The following PPM1H variants were observed in gnomAD, a reference collection of about 807,000 sequenced individuals.
The protein encoded by PPM1H is protein phosphatase 1H.
In PPM1H, 27 loss-of-function variants were observed where a neutral mutation model predicts 54.9. The ratio of observed to expected loss-of-function variants is 0.49; its 90% CI spans 0.36 to 0.68. The LOEUF (loss-of-function observed/expected upper bound fraction) is 0.68, where lower values mean the gene tolerates loss of function less well. Among genes scored for constraint, PPM1H ranks in the 30% least tolerant of loss-of-function variants. PPM1H has a pLI of 0.00. For synonymous variants in PPM1H, 305 were observed against 270.8 expected (o/e 1.13, Z -1.24); for missense variants, 596 against 667.8 (o/e 0.89, Z 1.19).
chr12:62,825,908 T>C (rs186875188), intron 2 of PPM1H, among the ~76,000 whole-genome samples: 5 of 151,380 alleles, frequency 3.3e-5, no homozygotes, highest in Non-Finnish European at 4.4e-5. Context: ...AAATGCCAAA[T>C]TACCACCAAT....
At chr12:62,750,120 G>T (rs117196819) in intron 4 of PPM1H, among the ~76,000 whole-genome samples, 1,742 of 151,202 alleles carry the variant, frequency 0.012, 14 homozygotes, top group Admixed American at 0.025. Flanking sequence ...TTGAATTATA[G>T]TCTGCATACC....
intron 1 of PPM1H, among the ~76,000 whole-genome samples, chr12:62,862,857 C>T (rs141253956): frequency 1.8e-3 from 276 of 152,286 alleles, no homozygotes; most frequent in African/African-American, 6.3e-3. Flanking sequence ...TAACAGACAT[C>T]ATTTCAATCT....
intron 4 of PPM1H, among the ~76,000 whole-genome samples, chr12:62,744,709 G>C (rs535319757): frequency 6.6e-6 from 1 of 152,132 alleles, no homozygotes; most frequent in Non-Finnish European, 1.5e-5. Flanking sequence ...CAGGCCTCAC[G>C]GGGGAAGCTG....
chr12:62,742,572 A>G lies in PPM1H; in HGVS notation c.870-4986T>C, dbSNP rs190329198. Among the ~76,000 whole-genome samples the G allele has an allele frequency of 9.1e-4, 139 of 152,376 alleles. 3 individuals are homozygous for G. In the East Asian group the frequency reaches 0.024, roughly 26 times the overall value. On this transcript the variant is annotated intron_variant, in intron 4 of 9. Coordinates refer to ENST00000228705, the MANE Select transcript of PPM1H (RefSeq NM_020700.2). ...AATGCCTTTAAAGCTACAGTCTGTC[A>G]TCACAGGACCCCTGTACTTCCTAGC...
At chr12:62,903,299 C>T (rs1209426738) in intron 1 of PPM1H, among the ~76,000 whole-genome samples, 9 of 152,042 alleles carry the variant, frequency 5.9e-5, no homozygotes, top group African/African-American at 1.2e-4. Context: ...GGGGTGGAAG[C>T]GTGTCAGTGG....
At chr12:62,798,478 C>T (rs2076748881) in intron 3 of PPM1H, among the ~76,000 whole-genome samples, 2 of 152,088 alleles carry the variant, frequency 1.3e-5, no homozygotes. Context: ...GATTGGGGGC[C>T]CAGTTTTTAT....
chr12:62,738,158 C>T (rs931798349), intron 4 of PPM1H, among the ~76,000 whole-genome samples: 4 of 152,170 alleles, frequency 2.6e-5, no homozygotes, highest in Non-Finnish European at 5.9e-5. Flanking sequence ...CTCTAGATCC[C>T]TGTTACTCCA....
At chr12:62,678,272 A>G (rs2075998930) in intron 8 of PPM1H, among the ~76,000 whole-genome samples, 1 of 152,256 alleles carries the variant, frequency 6.6e-6, no homozygotes, top group South Asian at 2.1e-4. Flanking sequence ...CCAACTTCTA[A>G]ACATTCTTAT....
intron 4 of PPM1H, among the ~76,000 whole-genome samples, chr12:62,745,421 G>C (rs1213567062): frequency 6.6e-6 from 1 of 152,124 alleles, no homozygotes; most frequent in Non-Finnish European, 1.5e-5. Context: ...TGCTCCTTTT[G>C]TAAGTTTGAA....
At chr12:62,756,528 G>A (rs764563362) in intron 4 of PPM1H, among the ~76,000 whole-genome samples, 3 of 151,884 alleles carry the variant, frequency 2.0e-5, no homozygotes, top group Non-Finnish European at 4.4e-5. Flanking sequence ...GTACATGAAC[G>A]TATTTTGTAT....
At chr12:62,764,737 G>A (rs11174636) in intron 4 of PPM1H, among the ~76,000 whole-genome samples, 66,462 of 152,086 alleles carry the variant, frequency 0.44, 14,760 homozygotes, top group African/African-American at 0.53. Context: ...GGGAGGAGCC[G>A]TGATCCATCT....
chr12:62,687,778 G>T (rs1394039914), intron 8 of PPM1H, among the ~76,000 whole-genome samples: 1 of 152,104 alleles, frequency 6.6e-6, no homozygotes, highest in Non-Finnish European at 1.5e-5. Context: ...GGAGGCCGAG[G>T]CAGGTGGATC....
At chr12:62,924,848 C>A (rs1871924210) in intron 1 of PPM1H, among the ~76,000 whole-genome samples, 1 of 152,060 alleles carries the variant, frequency 6.6e-6, no homozygotes, top group African/African-American at 2.4e-5. Flanking sequence ...TCGAGACCAG[C>A]CTAGCCAACA....
intron 8 of PPM1H, among the ~76,000 whole-genome samples, chr12:62,682,312 C>T (rs1441101434): frequency 6.6e-6 from 1 of 152,192 alleles, no homozygotes; most frequent in African/African-American, 2.4e-5. Flanking sequence ...TGTCAGTATG[C>T]ACCAATATTG....
At chr12:62,781,714 G>A (rs895761872) in intron 4 of PPM1H, among the ~76,000 whole-genome samples, 1 of 152,240 alleles carries the variant, frequency 6.6e-6, no homozygotes, top group Non-Finnish European at 1.5e-5. Flanking sequence ...CTGATTCAGA[G>A]CAAGAAGTAC....
intron 5 of PPM1H, among the ~76,000 whole-genome samples, chr12:62,729,966 C>T (rs890742735): frequency 6.6e-5 from 10 of 152,074 alleles, no homozygotes; most frequent in Admixed American, 5.2e-4. Context: ...GTGAAAATGG[C>T]CTGTTCCTGC....
At chr12:62,900,598 TAAA>T (rs111525770) in intron 1 of PPM1H, among the ~76,000 whole-genome samples, 5 of 136,814 alleles carry the variant, frequency 3.7e-5, no homozygotes, top group Non-Finnish European at 3.2e-5. Flanking sequence ...TACCAGTAGT[TAAA>T]AAAAAAAAAA....
At chr12:62,692,525 G>A (rs866018855) in intron 7 of PPM1H, among the ~76,000 whole-genome samples, 1 of 152,142 alleles carries the variant, frequency 6.6e-6, no homozygotes, top group Non-Finnish European at 1.5e-5. Context: ...AGGCTAGACA[G>A]GAACTAGAGA....
chr12:62,853,524 T>C (rs919159231), intron 1 of PPM1H, among the ~76,000 whole-genome samples: 10 of 152,136 alleles, frequency 6.6e-5, no homozygotes, highest in Non-Finnish European at 8.8e-5. Flanking sequence ...TCAATGCACA[T>C]ATACTAACCA....
Sources: gnomAD v4.1 joint callset for allele counts (sites outside exome capture counted in the v4.1 genomes callset) on GRCh38, gnomAD v4.1.1 for gene constraint, MANE v1.5 for transcripts, NCBI Gene and HGNC (gene_info 2026-07-23, HGNC 2026-07-21) for gene names.